The following DST variants were observed in gnomAD, a reference collection of about 807,000 sequenced individuals.
DST encodes the protein dystonin, also known as bullous pemphigoid antigen.
Under a neutral mutation model 875.2 loss-of-function variants are expected in DST, and 253 were observed. The ratio of observed to expected loss-of-function variants is 0.29; its 90% CI spans 0.26 to 0.32. DST has a LOEUF of 0.32. Among genes scored for constraint, DST ranks in the 10% least tolerant of loss-of-function variants. The pLI is 1.00. For missense variants in DST, 8,287 were observed against 9,111.6 expected (o/e 0.91, Z 3.68); for synonymous variants, 3,124 against 3,197.1 (o/e 0.98, Z 0.77).
chr6:56,515,500 C>T lies in DST; in HGVS notation c.18526G>A (p.Ala6176Thr), dbSNP rs540680338. The T allele has an allele frequency of 4.2e-5, 68 of 1,613,816 alleles. No homozygotes were observed. In the Middle Eastern group the frequency reaches 5.0e-4, roughly 12 times the overall value. The change falls in exon 72 of 104, where the codon GCC (alanine) becomes ACC (threonine). Residue 6176 changes from alanine (A) to threonine (T), a missense_variant. This residue lies in a region of DST where 1,292 missense variants were observed against 1,552.7 expected (regional missense o/e 0.83). Coordinates refer to ENST00000680361, the MANE Select transcript of DST (RefSeq NM_001374736.1). ...ETQSIISQLPAPALEYETLRQ... is the reference protein window; with the variant it reads ...ETQSIISQLPTPALEYETLRQ... ...AGAGTTTCATATTCAAGGGCTGGGG[C>T]GGGAAGCTGAGAGATGATTGATTGT...
intron 98 of DST, chr6:56,466,588 A>G (rs2152386641): frequency 6.5e-6 from 1 of 154,096 alleles, no homozygotes; most frequent in East Asian, 1.9e-4. Flanking sequence ...TGATTCTAAG[A>G]AAAATTTAAT....
intron 75 of DST, among the ~76,000 whole-genome samples, chr6:56,507,555 G>A (rs895514495): frequency 8.5e-5 from 13 of 152,194 alleles, no homozygotes; most frequent in African/African-American, 3.1e-4. Flanking sequence ...TTTACATGGG[G>A]GTAATGATCC....
chr6:56,923,758 A>G (rs1366134054), intron 2 of DST, among the ~76,000 whole-genome samples: 1 of 152,164 alleles, frequency 6.6e-6, no homozygotes, highest in Non-Finnish European at 1.5e-5. Flanking sequence ...ATCTGATTGG[A>G]TGAGGCCCAC....
intron 61 of DST, among the ~76,000 whole-genome samples, chr6:56,548,321 G>T (rs761376398): frequency 6.6e-6 from 1 of 152,224 alleles, no homozygotes; most frequent in Non-Finnish European, 1.5e-5. Context: ...CCTAGATAGA[G>T]GTGGGGAAGG....
intron 2 of DST, among the ~76,000 whole-genome samples, chr6:56,932,378 G>A (rs1810808172): frequency 6.6e-6 from 1 of 152,060 alleles, no homozygotes; most frequent in East Asian, 1.9e-4. Flanking sequence ...TCCAAACCTA[G>A]TCTCAAGTTT....
At position 56,508,596 on chromosome 6, in the gene DST, A is replaced by T. The variant is rs1435748218; in HGVS notation, c.19172T>A (p.Phe6391Tyr). The stretch of plus-strand genomic sequence containing the variant: ...TCCAGGATCTTCCAGGTCCCGGATG[A>T]AATCTTGAGTATCTTTAATGGTAAC... The part of the protein sequence containing the change: ...LIVTIKDTQD[F>Y]IRDLEDPGID... The change falls in exon 75 of 104, where the codon TTC (phenylalanine) becomes TAC (tyrosine). Residue 6391 changes from phenylalanine to tyrosine, a missense_variant. Physicochemically the swap from Phe to Tyr is conservative, Grantham distance 22. Transcript: ENST00000680361. 6.2e-7 allele frequency: 1 copy of T among 1,613,860 alleles called. No homozygotes were observed.
At chr6:56,827,975 T>C (rs1463402834) in intron 4 of DST, among the ~76,000 whole-genome samples, 2 of 152,146 alleles carry the variant, frequency 1.3e-5, no homozygotes, top group African/African-American at 4.8e-5. Flanking sequence ...CATATGCCCA[T>C]TTGAGGTGAG....
In DST at chr6:56,509,820, A is replaced by G; in HGVS notation, c.18834T>C (p.Arg6278=). ...CAGAGATAGAGGGTGGCTGCCTCAG[A>G]CGTTCCACGATGCGTTCCAGGCTCT... ...ILESLERIVE[R]LRQPPSISAE... The change falls in exon 74 of 104, where the codon CGT becomes CGC. Residue 6278 remains arginine, a synonymous_variant. Coordinates refer to ENST00000680361, the MANE Select transcript of DST (RefSeq NM_001374736.1). The G allele has an allele frequency of 6.2e-7, 1 of 1,613,624 alleles. No individual in the cohort carries two copies. Among genetic ancestry groups the G allele is most frequent in the East Asian group, 2.2e-5 (1 of 44,866 alleles).
chr6:56,633,055 C>T lies in DST; in HGVS notation c.3622-18G>A, dbSNP rs2098794469. Reference sequence around the variant, plus strand: ...GTCTTTATCTAAAGAAGACCAAAGACCCATGTAATTCATTCTATTACTCAT... The same window carrying T: ...GTCTTTATCTAAAGAAGACCAAAGATCCATGTAATTCATTCTATTACTCAT... On this transcript the variant is annotated intron_variant, in intron 27 of 103. Transcript: ENST00000680361. 3 of 1,608,850 alleles carry T rather than the reference C, an allele frequency of 1.9e-6. No individual in the cohort carries two copies. Among genetic ancestry groups the T allele is most frequent in the East Asian group, 4.5e-5 (2 of 44,816 alleles).
intron 69 of DST, among the ~76,000 whole-genome samples, chr6:56,523,148 C>G (rs1268864206): frequency 2.0e-5 from 3 of 151,882 alleles, no homozygotes; most frequent in East Asian, 1.9e-4. Flanking sequence ...AAAATAATAC[C>G]CTTTTTAGAA....
chr6:56,825,504 A>AG (rs1250423131), intron 4 of DST, among the ~76,000 whole-genome samples: 10 of 112,288 alleles, frequency 8.9e-5, no homozygotes, highest in Non-Finnish European at 2.2e-4. Flanking sequence ...ATAAATACTA[A>AG]AAAAAAAAAA....
chr6:56,779,666 G>A (rs1298338871), intron 4 of DST, among the ~76,000 whole-genome samples: 1 of 150,180 alleles, frequency 6.7e-6, no homozygotes, highest in Non-Finnish European at 1.5e-5. Context: ...TCTTGTTTTT[G>A]TCAGGTTTGT....
intron 3 of DST, among the ~76,000 whole-genome samples, chr6:56,874,669 A>G (rs937345865): frequency 6.6e-6 from 1 of 152,216 alleles, no homozygotes; most frequent in Non-Finnish European, 1.5e-5. Context: ...CAAATTCTGC[A>G]TTCTTTCCCA....
At chr6:56,619,998 A>G in intron 36 of DST, 3 of 1,614,076 alleles carry the variant, frequency 1.9e-6, no homozygotes, top group Non-Finnish European at 2.5e-6. Context: ...ACTGCCCTGC[A>G]TGATGTAGCC....
intron 102 of DST, among the ~76,000 whole-genome samples, chr6:56,462,289 T>C (rs879426568): frequency 1.3e-5 from 2 of 152,342 alleles, no homozygotes; most frequent in East Asian, 3.9e-4. Flanking sequence ...TGATTTTCAA[T>C]TGAATGTAAA....
chr6:56,774,904 A>G (rs887462972), intron 4 of DST, among the ~76,000 whole-genome samples: 1 of 151,568 alleles, frequency 6.6e-6, no homozygotes, highest in Non-Finnish European at 1.5e-5. Flanking sequence ...AGGCAGGAGA[A>G]TCGCTGGAAC....
chr6:56,930,583 C>T (rs1809660134), intron 2 of DST, among the ~76,000 whole-genome samples: 1 of 152,126 alleles, frequency 6.6e-6, no homozygotes, highest in Non-Finnish European at 1.5e-5. Flanking sequence ...ACCAATAAAA[C>T]AGATTCTAGA....
At position 56,555,437 on chromosome 6, in the gene DST, G is replaced by A; in HGVS notation, c.15044C>T (p.Ser5015Leu). The A allele has an allele frequency of 6.2e-7, 1 of 1,613,972 alleles. No individual in the cohort carries two copies. Among genetic ancestry groups the A allele is most frequent in the Non-Finnish European group, 8.5e-7 (1 of 1,179,886 alleles). Reference protein sequence around the residue: ...KVAQALCEDLSALVKEEYLKA... With the variant: ...KVAQALCEDLLALVKEEYLKA... ...CAAGTACTCTTCTTTAACCAGTGCT[G>A]ACAAATCCTCACAGAGTGCCTGGGC... The change falls in exon 60 of 104, where the codon TCA (serine) becomes TTA (leucine). Residue 5015 changes from serine to leucine, a missense_variant. This residue lies in a region of DST where 1,513 missense variants were observed against 1,677.8 expected (regional missense o/e 0.90). Coordinates refer to ENST00000680361, the MANE Select transcript of DST (RefSeq NM_001374736.1).
At chr6:56,801,363 G>C (rs2099746586) in intron 4 of DST, among the ~76,000 whole-genome samples, 1 of 152,028 alleles carries the variant, frequency 6.6e-6, no homozygotes, top group African/African-American at 2.4e-5. Context: ...TGATTCTCAG[G>C]TCTGTTTGCT....
Sources: allele counts gnomAD v4.1 joint callset (sites outside exome capture counted in the v4.1 genomes callset), GRCh38; gene constraint gnomAD v4.1.1; regional missense constraint gnomAD v4.1.1; transcripts MANE v1.5; gene names NCBI Gene and HGNC (gene_info 2026-07-23, HGNC 2026-07-21).